Variants in ALG6 observed in about 807,000 individuals in gnomAD.
The protein encoded by ALG6 is dolichyl pyrophosphate Man9GlcNAc2 alpha-1,3-glucosyltransferase.
In ALG6, 46 loss-of-function variants were observed where a neutral mutation model predicts 66.6. That is an observed-to-expected ratio of 0.69 (90% CI 0.55 to 0.88). ALG6 has a LOEUF of 0.88. Ranked by LOEUF, ALG6 falls within the 40% of genes least tolerant of loss-of-function variation. The probability of loss-of-function intolerance (pLI) is 0.00; values close to 1 mark genes in which losing one functional copy is unlikely to be tolerated. For missense variants in ALG6, 505 were observed against 586.8 expected, an observed-to-expected ratio of 0.86 and a Z score of 1.44; for synonymous variants, 185 against 203.7, an observed-to-expected ratio of 0.91 and a Z score of 0.78.
chr1:63,389,412 C>G (rs983733060), intron 2 of ALG6, among the ~76,000 whole-genome samples: 2 of 152,104 alleles, frequency 1.3e-5, no homozygotes, highest in Non-Finnish European at 2.9e-5. Flanking sequence ...TTTTTAGCAC[C>G]AGAATTTCTG....
chr1:63,422,573 A>C (rs1169300760), intron 12 of ALG6, among the ~76,000 whole-genome samples: 1 of 150,224 alleles, frequency 6.7e-6, no homozygotes, highest in African/African-American at 2.5e-5. Context: ...GGAATATATT[A>C]TTTGCCTTAG....
At chr1:63,383,525 C>T (rs1246998826) in intron 2 of ALG6, among the ~76,000 whole-genome samples, 2 of 152,104 alleles carry the variant, frequency 1.3e-5, no homozygotes, top group Non-Finnish European at 2.9e-5. Context: ...AAGTGATCCT[C>T]CTACCTCAGC....
chr1:63,377,294 G>T (rs1648165128), intron 2 of ALG6, among the ~76,000 whole-genome samples: 1 of 152,078 alleles, frequency 6.6e-6, no homozygotes, highest in Admixed American at 6.6e-5. Context: ...TTCCCTGTTT[G>T]TTTACAGTAA....
chr1:63,433,597 G>T lies in ALG6; in HGVS notation c.1327-3226G>T, dbSNP rs569708403. 6.6e-6 allele frequency among the ~76,000 whole-genome samples: 1 copy of T among 152,332 alleles called. No homozygotes were observed. Among genetic ancestry groups the T allele is most frequent in the South Asian group, 2.1e-4 (1 of 4,824 alleles). On this transcript the variant is annotated intron_variant, in intron 14 of 14. Transcript: ENST00000263440. This position sits in a 1 kb window ranked among gnomAD's most constrained non-coding sequence, Gnocchi z 4.2. The stretch of plus-strand genomic sequence containing the variant: ...TGTTAGTATAGGCCCAGATTCCTGA[G>T]TGTATGTCAAAATCTAGCCCTATTG...
chr1:63,400,223 GTATATATA>G lies in ALG6; in HGVS notation c.168-2018_168-2011del, dbSNP rs1192053870. Among the ~76,000 whole-genome samples the G allele has an allele frequency of 1.5e-3, 9 of 6,138 alleles. 3 individuals carry two copies. Among genetic ancestry groups the G allele is most frequent in the African/African-American group, 0.014 (8 of 588 alleles). 4.0% of individuals were successfully genotyped at this position (6,138 alleles called of 152,430 possible). A position where few individuals can be genotyped will look rare whatever the true frequency, so the allele number is the denominator to read the frequency against. The stretch of plus-strand genomic sequence containing the variant: ...AAAAAAAAAATATATATATATATAC[GTATATATA>G]TATATATATATACGTATATATATGT... On this transcript the variant is annotated intron_variant, in intron 3 of 14. Coordinates refer to ENST00000263440, the MANE Select transcript of ALG6 (RefSeq NM_013339.4).
At chr1:63,407,148 A>G (rs1271790652) in intron 7 of ALG6, 22 bp downstream of exon 7, 1 of 1,557,166 alleles carries the variant, frequency 6.4e-7, no homozygotes, top group South Asian at 1.1e-5. Context: ...TAATGCAGAA[A>G]TGAAGTCAGT....
In ALG6 at chr1:63,404,556, G is replaced by A; in HGVS notation, c.346+15G>A. 2 of 1,608,860 alleles carry A rather than the reference G, an allele frequency of 1.2e-6. No individual in the cohort carries two copies. Among genetic ancestry groups the A allele is most frequent in the South Asian group, 1.1e-5 (1 of 90,950 alleles). Reference sequence around the variant, plus strand: ...GCGTACAACAGGTAAAAGAGCAATGGGTAGTGAATATAAAATTTGATTTTT... The same window carrying A: ...GCGTACAACAGGTAAAAGAGCAATGAGTAGTGAATATAAAATTTGATTTTT... On this transcript the variant is annotated intron_variant, in intron 5 of 14. Transcript: ENST00000263440.
At chr1:63,418,134 C>CA (rs757286574) in intron 11 of ALG6, among the ~76,000 whole-genome samples, 73 of 117,328 alleles carry the variant, frequency 6.2e-4, no homozygotes, top group South Asian at 1.9e-3. Flanking sequence ...AACTCCATCT[C>CA]AAAAAAAAAA....
intron 12 of ALG6, among the ~76,000 whole-genome samples, chr1:63,424,886 C>T (rs1644607119): frequency 6.7e-6 from 1 of 149,638 alleles, no homozygotes; most frequent in Non-Finnish European, 1.5e-5. Flanking sequence ...TCAAGAGATT[C>T]TCCTGCCTCA....
chr1:63,434,980 G>A (rs1044388133), intron 14 of ALG6, among the ~76,000 whole-genome samples: 3 of 152,182 alleles, frequency 2.0e-5, no homozygotes, highest in Admixed American at 6.5e-5. Context: ...TTCAGTGAGA[G>A]GAGAGTGATT....
At chr1:63,373,357 T>G (rs950969772) in intron 2 of ALG6, among the ~76,000 whole-genome samples, 7 of 150,472 alleles carry the variant, frequency 4.7e-5, no homozygotes, top group South Asian at 2.2e-4. Flanking sequence ...CATTTTTTTT[T>G]GGGGGGAGGC....
intron 9 of ALG6, among the ~76,000 whole-genome samples, chr1:63,412,675 G>T (rs1172422890): frequency 6.6e-6 from 1 of 151,976 alleles, no homozygotes; most frequent in Non-Finnish European, 1.5e-5. Flanking sequence ...TTTTTAATGA[G>T]AATCTTTCAT....
At position 63,404,542 on chromosome 1, in the gene ALG6, G is replaced by A; in HGVS notation, c.346+1G>A. 2.5e-6 allele frequency: 4 copies of A among 1,612,530 alleles called. No individual in the cohort carries two copies. Among genetic ancestry groups the A allele is most frequent in the Non-Finnish European group, 3.4e-6 (4 of 1,178,694 alleles). ...CATAAGCTCTTCATGCGTACAACAG[G>A]TAAAAGAGCAATGGGTAGTGAATAT... On this transcript the variant is annotated splice_donor_variant, in intron 5 of 14. Coordinates refer to ENST00000263440, the MANE Select transcript of ALG6 (RefSeq NM_013339.4). LOFTEE classifies it high-confidence loss of function.
chr1:63,371,109 G>C, intron 2 of ALG6, 50 bp downstream of exon 2: 3 of 1,311,144 alleles, frequency 2.3e-6, no homozygotes, highest in Non-Finnish European at 3.3e-6. Context: ...CCTTTGAATA[G>C]GTGTTTGTTT....
chr1:63,428,754 T>G lies in ALG6; in HGVS notation c.1080T>G (p.Ser360Arg), dbSNP rs34233573. 5.0e-6 allele frequency: 8 copies of G among 1,608,510 alleles called. No individual in the cohort carries two copies. In the East Asian group the frequency reaches 1.8e-4, roughly 36 times the overall value. Residue 360 changes from serine (S) to arginine (R), a missense_variant, in exon 13 of 15, where the codon AGT (serine) becomes AGG (arginine). Coordinates refer to ENST00000263440, the MANE Select transcript of ALG6 (RefSeq NM_013339.4). Reference sequence around the variant, plus strand: ...TTAGACCAGTCTGCTTAGTTTTAAGTGAAATTCCTTTTATGTCTACTTGGT... The same window carrying G: ...TTAGACCAGTCTGCTTAGTTTTAAGGGAAATTCCTTTTATGTCTACTTGGT... ...LVSLPVCLVLSEIPFMSTWFL... is the reference protein window; with the variant it reads ...LVSLPVCLVLREIPFMSTWFL...
chr1:63,396,171 A>G (rs1330936822), intron 2 of ALG6, among the ~76,000 whole-genome samples: 3 of 152,304 alleles, frequency 2.0e-5, no homozygotes, highest in Non-Finnish European at 2.9e-5. Context: ...TAATGTTAAT[A>G]ATAGTGTCTA....
chr1:63,438,185 A>G lies in ALG6; in HGVS notation c.*1165A>G, dbSNP rs1644697481. On this transcript the variant is annotated 3_prime_UTR_variant, in exon 15 of 15. Coordinates refer to ENST00000263440, the MANE Select transcript of ALG6 (RefSeq NM_013339.4). ...CAGTCACAGGCTGATATAAGAAGGT[A>G]TGTGTTTCTAAGTCTGGTAAAGGAA... 1 of 152,164 alleles carries G rather than the reference A, an allele frequency of 6.6e-6. No individual in the cohort carries two copies. Among genetic ancestry groups the G allele is most frequent in the Non-Finnish European group, 1.5e-5 (1 of 68,028 alleles). 9.4% of individuals were successfully genotyped at this position (152,164 alleles called of 1,614,324 possible).
chr1:63,381,591 G>C (rs1032197471), intron 2 of ALG6, among the ~76,000 whole-genome samples: 7 of 151,780 alleles, frequency 4.6e-5, no homozygotes, highest in Non-Finnish European at 1.0e-4. Flanking sequence ...GCCGCAGTGA[G>C]CCGTGATCAC....
intron 2 of ALG6, 77 bp from the exon 3 acceptor site, chr1:63,396,436 C>T (rs1290701725): frequency 8.6e-6 from 11 of 1,271,916 alleles, no homozygotes; most frequent in South Asian, 3.6e-5. Flanking sequence ...CTAATTTAGA[C>T]AATTTTCATA....
Sources: allele counts gnomAD v4.1 joint callset (sites outside exome capture counted in the v4.1 genomes callset), GRCh38; gene constraint gnomAD v4.1.1; non-coding constraint Gnocchi (gnomAD v3.1); transcripts MANE v1.5; gene names NCBI Gene and HGNC (gene_info 2026-07-23, HGNC 2026-07-21).